The following LRRC7 variants were observed in gnomAD, a reference collection of about 807,000 sequenced individuals.
The protein encoded by LRRC7 is leucine-rich repeat-containing protein 7.
A neutral mutation model predicts 175.7 loss-of-function variants in LRRC7; 23 were observed. That is an observed-to-expected ratio of 0.13 (90% CI 0.09 to 0.19). The LOEUF is 0.19. Ranked by LOEUF, LRRC7 falls within the 10% of genes least tolerant of loss-of-function variation. The pLI, the probability that LRRC7 is intolerant of heterozygous loss-of-function variation, is 1.00. For missense variants in LRRC7, 1,354 were observed against 1,904.7 expected, an observed-to-expected ratio of 0.71 and a Z score of 5.38; for synonymous variants, 685 against 680.9, an observed-to-expected ratio of 1.01 and a Z score of -0.09.
intron 7 of LRRC7, among the ~76,000 whole-genome samples, chr1:69,857,789 G>A (rs1683858413): frequency 6.6e-6 from 1 of 152,140 alleles, no homozygotes; most frequent in African/African-American, 2.4e-5. Flanking sequence ...CCAAAAAAGA[G>A]CCCACATTGC....
intron 2 of LRRC7, among the ~76,000 whole-genome samples, chr1:69,726,550 A>G (rs1489390799): frequency 3.3e-5 from 5 of 152,170 alleles, no homozygotes; most frequent in African/African-American, 7.2e-5. Flanking sequence ...AGGTAGCAAT[A>G]CTATGTGGGT....
At chr1:69,954,403 AT>A (rs1411069954) in intron 8 of LRRC7, among the ~76,000 whole-genome samples, 3 of 152,032 alleles carry the variant, frequency 2.0e-5, no homozygotes, top group Non-Finnish European at 2.9e-5. Context: ...AAAAGCAAAA[AT>A]AAGTGATTTT....
chr1:70,061,421 T>C (rs1427982205), intron 23 of LRRC7, among the ~76,000 whole-genome samples: 3 of 152,122 alleles, frequency 2.0e-5, no homozygotes, highest in Admixed American at 6.6e-5. Flanking sequence ...GTATAAAGGC[T>C]GCATTGGTTT....
intron 8 of LRRC7, among the ~76,000 whole-genome samples, chr1:69,948,910 T>C (rs1047030935): frequency 1.3e-5 from 2 of 152,200 alleles, no homozygotes; most frequent in Non-Finnish European, 2.9e-5. Flanking sequence ...TATCTGACTC[T>C]ATTACTCATA....
At chr1:70,005,067 T>A (rs1040155960) in intron 11 of LRRC7, among the ~76,000 whole-genome samples, 4 of 152,144 alleles carry the variant, frequency 2.6e-5, no homozygotes, top group Non-Finnish European at 4.4e-5. Context: ...CAGACCACTT[T>A]AATGGGATGT....
chr1:69,659,514 C>CAAA (rs561697511), intron 1 of LRRC7, among the ~76,000 whole-genome samples: 9,367 of 122,126 alleles, frequency 0.077, 386 homozygotes, highest in African/African-American at 0.13. Flanking sequence ...AACAATCAGC[C>CAAA]AAAAAAAAAA....
intron 23 of LRRC7, among the ~76,000 whole-genome samples, chr1:70,062,496 G>T (rs146768230): frequency 2.0e-5 from 3 of 151,776 alleles, no homozygotes; most frequent in African/African-American, 7.3e-5. Context: ...GACTAAATAC[G>T]TCCAATTACA....
chr1:69,712,177 A>G (rs1664825886), intron 2 of LRRC7, among the ~76,000 whole-genome samples: 1 of 152,174 alleles, frequency 6.6e-6, no homozygotes, highest in African/African-American at 2.4e-5. Context: ...CTGGAGGCTC[A>G]GTCACTTAGC....
chr1:70,016,845 C>T (rs1246493762), intron 14 of LRRC7, among the ~76,000 whole-genome samples: 1 of 152,082 alleles, frequency 6.6e-6, no homozygotes, highest in African/African-American at 2.4e-5. Context: ...AGAGGATGTA[C>T]TTTAATTATA....
intron 1 of LRRC7, among the ~76,000 whole-genome samples, chr1:69,637,080 T>TCTCTCTCTCTC (rs1553130024): frequency 0.079 from 11,752 of 148,478 alleles, 678 homozygotes; most frequent in Non-Finnish European, 0.12. Context: ...CCTTCTCTCT[T>TCTCTCTCTCTC]TCTCTCTCTC....
At chr1:70,103,685 T>G (rs1388085596) in intron 25 of LRRC7, among the ~76,000 whole-genome samples, 1 of 152,170 alleles carries the variant, frequency 6.6e-6, no homozygotes, top group African/African-American at 2.4e-5. Context: ...TTTATGGAAC[T>G]TTGTTACAGC....
chr1:69,923,126 G>A (rs1646945689), intron 7 of LRRC7, among the ~76,000 whole-genome samples: 1 of 152,122 alleles, frequency 6.6e-6, no homozygotes, highest in Admixed American at 6.5e-5. Flanking sequence ...TTTCATCCAT[G>A]TCCCTACAAA....
chr1:70,114,512 C>A (rs1056179040), intron 26 of LRRC7, among the ~76,000 whole-genome samples: 1 of 152,040 alleles, frequency 6.6e-6, no homozygotes, highest in Non-Finnish European at 1.5e-5. Flanking sequence ...ACATAGCAGA[C>A]CCCGTCTCTA....
intron 7 of LRRC7, chr1:69,875,056 T>A (rs1355169215): frequency 1.3e-5 from 2 of 152,114 alleles, no homozygotes; most frequent in Non-Finnish European, 2.9e-5. Context: ...TAATGTGTTC[T>A]TATGAATTCT....
chr1:69,841,643 C>G (rs191173269), intron 7 of LRRC7, among the ~76,000 whole-genome samples: 1 of 152,198 alleles, frequency 6.6e-6, no homozygotes, highest in Admixed American at 6.6e-5. Flanking sequence ...ACTTACCGCT[C>G]TCTATATGAT....
At chr1:69,805,071 T>C (rs190126437) in intron 4 of LRRC7, among the ~76,000 whole-genome samples, 1 of 151,864 alleles carries the variant, frequency 6.6e-6, no homozygotes. Context: ...AAAACTTATT[T>C]CTATACAAGA....
chr1:69,705,437 C>A (rs1287706006), intron 2 of LRRC7, among the ~76,000 whole-genome samples: 2 of 151,976 alleles, frequency 1.3e-5, no homozygotes, highest in Non-Finnish European at 2.9e-5. Flanking sequence ...CTGTTGAAGT[C>A]AAAATAAAAC....
rs1351314796 is a variant in LRRC7, at chr1:70,127,536, A to G, written c.*5649A>G. 6.6e-6 allele frequency among the ~76,000 whole-genome samples: 1 copy of G among 152,162 alleles called. No homozygotes were observed. The highest frequency in any genetic ancestry group is 1.5e-5 in the Non-Finnish European group (1 of 68,028). On this transcript the variant is annotated 3_prime_UTR_variant, in exon 27 of 27. Transcript: ENST00000651989. ...GGAGAAAAGACCTGAGAGAGGAGAAAATTTACTGGTTAACTTCAGAGGCAT... is the reference window on the plus strand; with the variant it reads ...GGAGAAAAGACCTGAGAGAGGAGAAGATTTACTGGTTAACTTCAGAGGCAT...
intron 2 of LRRC7, among the ~76,000 whole-genome samples, chr1:69,697,344 G>A (rs902105879): frequency 3.9e-5 from 6 of 152,156 alleles, no homozygotes; most frequent in African/African-American, 1.4e-4. Context: ...CTTTAAGTGT[G>A]CAATAATTTT....
Sources: allele counts gnomAD v4.1 joint callset (sites outside exome capture counted in the v4.1 genomes callset), GRCh38; gene constraint gnomAD v4.1.1; transcripts MANE v1.5; gene names NCBI Gene and HGNC (gene_info 2026-07-23, HGNC 2026-07-21).